The following DLGAP1 variants were observed in gnomAD, a reference collection of about 807,000 sequenced individuals.
DLGAP1 encodes the protein disks large-associated protein 1.
DLGAP1 carries 11 observed loss-of-function variants against 90.8 expected under a neutral mutation model. The observed-to-expected ratio is 0.12, with a 90% CI of 0.08 to 0.20. The LOEUF (loss-of-function observed/expected upper bound fraction) is 0.20. Ranked by LOEUF, DLGAP1 falls within the 10% of genes least tolerant of loss-of-function variation. DLGAP1 has a pLI of 1.00. For missense variants in DLGAP1, 1,050 were observed against 1,333.8 expected (o/e 0.79, Z 3.31); for synonymous variants, 558 against 540.7 (o/e 1.03, Z -0.44).
At chr18:4,083,314 C>T (rs2075638785) in intron 2 of DLGAP1, among the ~76,000 whole-genome samples, 1 of 152,112 alleles carries the variant, frequency 6.6e-6, no homozygotes, top group Non-Finnish European at 1.5e-5. Flanking sequence ...ACATTAGGGA[C>T]AAAGCACTTC....
chr18:4,048,122 A>G (rs2075082485), intron 2 of DLGAP1, among the ~76,000 whole-genome samples: 1 of 152,192 alleles, frequency 6.6e-6, no homozygotes, highest in Non-Finnish European at 1.5e-5. Context: ...TTGAATTAGA[A>G]GGAGACTGTT....
At chr18:4,052,696 A>T (rs1336024571) in intron 2 of DLGAP1, among the ~76,000 whole-genome samples, 2 of 152,220 alleles carry the variant, frequency 1.3e-5, no homozygotes, top group Non-Finnish European at 2.9e-5. Context: ...TCTCCCTAGT[A>T]AATGGGTTTT....
intron 9 of DLGAP1, among the ~76,000 whole-genome samples, chr18:3,550,200 C>G (rs1255100888): frequency 1.3e-5 from 2 of 152,120 alleles, no homozygotes; most frequent in Non-Finnish European, 2.9e-5. Context: ...GCGTGAGCCA[C>G]CACGCCCGGC....
chr18:3,741,203 C>T (rs2048210947), intron 6 of DLGAP1, among the ~76,000 whole-genome samples: 1 of 100,110 alleles, frequency 1.0e-5, no homozygotes, highest in Non-Finnish European at 2.0e-5. Context: ...ACCACCAAAT[C>T]ACCACCACCA....
At chr18:3,802,643 G>A (rs941249666) in intron 5 of DLGAP1, among the ~76,000 whole-genome samples, 2 of 151,954 alleles carry the variant, frequency 1.3e-5, no homozygotes, top group East Asian at 1.9e-4. Context: ...TTTAGTTAGC[G>A]GTAACATACA....
chr18:4,178,574 T>C (rs1298161488), intron 1 of DLGAP1, among the ~76,000 whole-genome samples: 1 of 152,184 alleles, frequency 6.6e-6, no homozygotes, highest in Non-Finnish European at 1.5e-5. Context: ...GTCTGTTTAG[T>C]ATATGGTTCA....
intron 9 of DLGAP1, among the ~76,000 whole-genome samples, chr18:3,553,200 G>GA (rs1483961714): frequency 3.3e-5 from 5 of 151,966 alleles, no homozygotes; most frequent in Non-Finnish European, 7.4e-5. Context: ...CATTAAAAGA[G>GA]GTGTTTGCTA....
chr18:3,616,169 C>G lies in DLGAP1; in HGVS notation c.1592-33921G>C, dbSNP rs2057854685. Among the ~76,000 whole-genome samples, 4 of 152,194 alleles carry G rather than the reference C, an allele frequency of 2.6e-5. No homozygotes were observed. In the South Asian group the frequency reaches 8.3e-4, roughly 31 times the overall value. On this transcript the variant is annotated intron_variant, in intron 7 of 12. Coordinates refer to ENST00000315677, the MANE Select transcript of DLGAP1 (RefSeq NM_004746.4). ...CTAAAGTTGACAGGCTGGTAACCAG[C>G]CCTCGGGAGACTGCATTTTCCAAAA...
chr18:4,289,414 T>C (rs1355570889), intron 1 of DLGAP1, among the ~76,000 whole-genome samples: 1 of 152,298 alleles, frequency 6.6e-6, no homozygotes, highest in South Asian at 2.1e-4. Context: ...CAGGAGTTAT[T>C]TGAAATCAGA....
intron 7 of DLGAP1, among the ~76,000 whole-genome samples, chr18:3,679,683 T>C (rs2060439085): frequency 6.6e-6 from 1 of 151,074 alleles, no homozygotes; most frequent in Non-Finnish European, 1.5e-5. Context: ...CTCACACCTA[T>C]AATCCCAGCA....
chr18:4,082,556 AC>A (rs932751869), intron 2 of DLGAP1, among the ~76,000 whole-genome samples: 2 of 144,394 alleles, frequency 1.4e-5, no homozygotes, highest in African/African-American at 5.1e-5. Context: ...AACCATCAGT[AC>A]CCCATTCCAT....
At chr18:3,759,068 G>A (rs1037796896) in intron 5 of DLGAP1, among the ~76,000 whole-genome samples, 8 of 150,986 alleles carry the variant, frequency 5.3e-5, no homozygotes, top group Non-Finnish European at 8.8e-5. Context: ...TTCTTCCTCC[G>A]TAAAGGTTTG....
intron 1 of DLGAP1, among the ~76,000 whole-genome samples, chr18:4,436,409 T>C (rs1175394821): frequency 6.6e-6 from 1 of 152,140 alleles, no homozygotes; most frequent in Non-Finnish European, 1.5e-5. Context: ...TCTGATTCAG[T>C]ATTTCCAAAC....
rs868234495 is a variant in DLGAP1 at position 3,511,297 on chromosome 18, T to C, written c.2480-2636A>G. Among the ~76,000 whole-genome samples, 620 of 152,234 alleles carry C rather than the reference T, an allele frequency of 4.1e-3. 7 individuals are homozygous for C. Among genetic ancestry groups the C allele is most frequent in the Non-Finnish European group, 3.1e-3 (208 of 68,002 alleles). On this transcript the variant is annotated intron_variant, in intron 10 of 12. Coordinates refer to ENST00000315677, the MANE Select transcript of DLGAP1 (RefSeq NM_004746.4). The stretch of plus-strand genomic sequence containing the variant: ...AATGGAGGTTTTTTTTGTTTTGTTT[T>C]GTTTTGTTTTATTTTTTTTCCATTA...
intron 6 of DLGAP1, among the ~76,000 whole-genome samples, chr18:3,737,575 C>T (rs1042671012): frequency 7.3e-5 from 11 of 151,144 alleles, no homozygotes; most frequent in Admixed American, 7.3e-4. Flanking sequence ...ATTCAACAAG[C>T]CTTCATGCTA....
At chr18:4,129,594 T>C (rs7407536) in intron 2 of DLGAP1, among the ~76,000 whole-genome samples, 129,194 of 152,056 alleles carry the variant, frequency 0.85, 55,368 homozygotes, top group African/African-American at 0.96. Flanking sequence ...CTGCGACTTT[T>C]CCTGAGGCTT....
At chr18:4,345,272 C>A (rs1449407483) in intron 1 of DLGAP1, among the ~76,000 whole-genome samples, 1 of 152,146 alleles carries the variant, frequency 6.6e-6, no homozygotes, top group African/African-American at 2.4e-5. Flanking sequence ...TTCTGCCGTT[C>A]CATTCAACTC....
At chr18:3,803,192 A>AC (rs891910230) in intron 5 of DLGAP1, among the ~76,000 whole-genome samples, 2 of 151,372 alleles carry the variant, frequency 1.3e-5, no homozygotes, top group African/African-American at 4.9e-5. Context: ...GGACGACTGG[A>AC]CCCCCCCTAG....
At chr18:3,756,359 A>G (rs902706770) in intron 5 of DLGAP1, among the ~76,000 whole-genome samples, 12 of 152,108 alleles carry the variant, frequency 7.9e-5, no homozygotes, top group Non-Finnish European at 1.8e-4. Flanking sequence ...TACACCACAC[A>G]TTTTTAAAAA....
Sources: gnomAD v4.1 joint callset for allele counts (sites outside exome capture counted in the v4.1 genomes callset) on GRCh38, gnomAD v4.1.1 for gene constraint, MANE v1.5 for transcripts, NCBI Gene and HGNC (gene_info 2026-07-23, HGNC 2026-07-21) for gene names.